Variants in PLA2G2C observed in about 807,000 individuals in gnomAD.
The protein encoded by PLA2G2C is putative inactive group IIC secretory phospholipase A2.
PLA2G2C carries 15 observed loss-of-function variants against 14.3 expected under a neutral mutation model. The observed-to-expected ratio is 1.05, with a 90% CI of 0.70 to 1.62. The LOEUF is 1.62. Ranked by LOEUF, PLA2G2C falls within the 40% of genes most tolerant of loss-of-function variation. The pLI, the probability that PLA2G2C is intolerant of heterozygous loss-of-function variation, is 0.00. For missense variants in PLA2G2C, 162 were observed against 173.2 expected, an observed-to-expected ratio of 0.94 and a Z score of 0.36; for synonymous variants, 79 against 67.7, an observed-to-expected ratio of 1.17 and a Z score of -0.82.
chr1:20,163,908 C>T lies in PLA2G2C; in HGVS notation c.*83G>A. On this transcript the variant is annotated 3_prime_UTR_variant, in exon 5 of 5. Coordinates refer to ENST00000679259, the MANE Select transcript of PLA2G2C (RefSeq NM_001367969.2). ...TCCCTCCCAGTGGAAGAACAGGGGC[C>T]TGTTGGGGATGATCTGAGAAGGCTT... is the stretch of plus-strand genomic sequence containing the variant. 1 of 1,422,394 alleles carries T rather than the reference C, an allele frequency of 7.0e-7. No individual in the cohort carries two copies. Among genetic ancestry groups the T allele is most frequent in the Middle Eastern group, 1.8e-4 (1 of 5,542 alleles). The allele number at this position is 1,422,394 out of a possible 1,614,324, so 88.1% of individuals were successfully genotyped here.
At chr1:20,177,233 C>T (rs1569935875) in intron 2 of PLA2G2C, 91 bp downstream of exon 2, 1 of 698,942 alleles carries the variant, frequency 1.4e-6, no homozygotes. Context: ...TGTGACTTCC[C>T]TCACCTGGTG....
At chr1:20,173,923 G>A (rs1443375829) in intron 3 of PLA2G2C, among the ~76,000 whole-genome samples, 44 of 152,178 alleles carry the variant, frequency 2.9e-4, no homozygotes, top group East Asian at 1.9e-4. Context: ...AAGGAGAGGG[G>A]ACAAACTTTG....
intron 4 of PLA2G2C, among the ~76,000 whole-genome samples, chr1:20,166,582 C>A (rs920389714): frequency 1.3e-5 from 2 of 152,210 alleles, no homozygotes; most frequent in African/African-American, 4.8e-5. Flanking sequence ...CCTGGAAACA[C>A]TTTTCTCACC....
At chr1:20,182,970 G>A (rs530956187) in intron 1 of PLA2G2C, among the ~76,000 whole-genome samples, 3 of 152,178 alleles carry the variant, frequency 2.0e-5, no homozygotes, top group Non-Finnish European at 2.9e-5. Flanking sequence ...CAGTGGAAAC[G>A]CTAGCCTTGG....
chr1:20,182,000 T>C (rs2018285390), intron 1 of PLA2G2C, among the ~76,000 whole-genome samples: 1 of 152,170 alleles, frequency 6.6e-6, no homozygotes, highest in South Asian at 2.1e-4. Flanking sequence ...GTGGAGACAA[T>C]GATTCTGGCC....
chr1:20,170,768 G>A (rs2018060152), intron 4 of PLA2G2C, among the ~76,000 whole-genome samples: 1 of 143,574 alleles, frequency 7.0e-6, no homozygotes, highest in Non-Finnish European at 1.5e-5. Flanking sequence ...GCAAGGCTCT[G>A]GACTCAGGAG....
intron 1 of PLA2G2C, among the ~76,000 whole-genome samples, chr1:20,181,837 G>A (rs1209587887): frequency 3.9e-5 from 6 of 152,216 alleles, no homozygotes; most frequent in African/African-American, 1.4e-4. Context: ...ATTATTGACT[G>A]CGAGTTGCCA....
In PLA2G2C at chr1:20,172,855, C is replaced by T; in HGVS notation, c.222G>A (p.Glu74=). The change falls in exon 4 of 5, where the codon GAG becomes GAA. Residue 74 remains glutamate (E), a synonymous_variant. Transcript: ENST00000679259. ...SSPSPYEKLK[E]FSCQPVLNSY... ...TGTTCAACACAGGCTGGCAGCTGAACTCCTTCAGCTTCTCGTAGGGAGAGG... is the reference window on the plus strand; with the variant it reads ...TGTTCAACACAGGCTGGCAGCTGAATTCCTTCAGCTTCTCGTAGGGAGAGG... The T allele has an allele frequency of 1.9e-6, 3 of 1,613,902 alleles. No individual in the cohort carries two copies. Among genetic ancestry groups the T allele is most frequent in the South Asian group, 1.1e-5 (1 of 91,070 alleles).
rs201520500 is a variant in PLA2G2C at position 20,165,824 on chromosome 1, TGC to T, written c.284-1669_284-1668del. On this transcript the variant is annotated intron_variant, in intron 4 of 4. Coordinates refer to ENST00000679259, the MANE Select transcript of PLA2G2C (RefSeq NM_001367969.2). ...GTGTGTTTGTGCGTGTGTGTGTGTG[TGC>T]GCGCGCGCATGTGTGTTTAGGGCTC... is the stretch of plus-strand genomic sequence containing the variant. 1.0e-3 allele frequency among the ~76,000 whole-genome samples: 155 copies of T among 152,112 alleles called. 2 individuals carry two copies. In the East Asian group the frequency reaches 0.026, roughly 26 times the overall value.
At chr1:20,175,522 A>C (rs1284461183) in intron 2 of PLA2G2C, among the ~76,000 whole-genome samples, 1 of 152,206 alleles carries the variant, frequency 6.6e-6, no homozygotes, top group Non-Finnish European at 1.5e-5. Context: ...GTCCCTCCAG[A>C]TGTCATCAGG....
chr1:20,180,950 T>C (rs551825083), intron 1 of PLA2G2C, among the ~76,000 whole-genome samples: 204 of 152,324 alleles, frequency 1.3e-3, no homozygotes, highest in Non-Finnish European at 7.9e-4. Context: ...GAAAATAAGA[T>C]GGATGGAGCC....
chr1:20,164,006 A>G lies in PLA2G2C; in HGVS notation c.435T>C (p.His145=). ...TGTGGTGTCCCTAGCACCAGGGCTT[A>G]TGTCTGCCACACCTGGGCTGGCTGG... The part of the protein sequence containing the change: ...QFSSQPRCGR[H]KPWC The change falls in exon 5 of 5, where the codon CAT becomes CAC. Residue 145 remains histidine (H), a synonymous_variant. Coordinates refer to ENST00000679259, the MANE Select transcript of PLA2G2C (RefSeq NM_001367969.2). 6.2e-7 allele frequency: 1 copy of G among 1,613,056 alleles called. No individual in the cohort carries two copies. Among genetic ancestry groups the G allele is most frequent in the Non-Finnish European group, 8.5e-7 (1 of 1,179,528 alleles).
rs898989892 is a variant in PLA2G2C, at chr1:20,172,721, G to A, written c.283+73C>T. ...GCATTTCATTTTCTAAAAGATCTCT[G>A]GGTCAAAGAGGAGGTGAACGTTAAG... On this transcript the variant is annotated intron_variant, in intron 4 of 4. Coordinates refer to ENST00000679259, the MANE Select transcript of PLA2G2C (RefSeq NM_001367969.2). 3 of 1,271,244 alleles carry A rather than the reference G, an allele frequency of 2.4e-6. No homozygotes were observed. In the African/African-American group the frequency reaches 4.5e-5, roughly 19 times the overall value. The allele number at this position is 1,271,244 out of a possible 1,614,324, so 78.7% of individuals were successfully genotyped here.
chr1:20,172,628 C>T (rs542186977), intron 4 of PLA2G2C, among the ~76,000 whole-genome samples, 166 bp downstream of exon 4: 5 of 152,156 alleles, frequency 3.3e-5, no homozygotes, highest in East Asian at 3.9e-4. Flanking sequence ...AGGATGAGCA[C>T]GGACACTCTG....
chr1:20,166,522 C>T (rs1348794353), intron 4 of PLA2G2C, among the ~76,000 whole-genome samples: 2 of 152,206 alleles, frequency 1.3e-5, no homozygotes, highest in Admixed American at 1.3e-4. Context: ...GCTCAGGCCC[C>T]CCAGCCAGCC....
chr1:20,171,695 G>A (rs145408111), intron 4 of PLA2G2C, among the ~76,000 whole-genome samples: 3 of 151,646 alleles, frequency 2.0e-5, no homozygotes, highest in Non-Finnish European at 4.4e-5. Context: ...GAAGGAAAGT[G>A]ATTCATGCAA....
At chr1:20,168,322 G>A (rs1254183634) in intron 4 of PLA2G2C, among the ~76,000 whole-genome samples, 4 of 152,326 alleles carry the variant, frequency 2.6e-5, no homozygotes, top group East Asian at 3.9e-4. Flanking sequence ...ACATGTGTCT[G>A]GTCTTTGGCT....
At chr1:20,183,382 A>ACCTCCT (rs2018306863) in intron 1 of PLA2G2C, among the ~76,000 whole-genome samples, 2 of 152,314 alleles carry the variant, frequency 1.3e-5, no homozygotes, top group African/African-American at 4.8e-5. Flanking sequence ...CCATGGGGGA[A>ACCTCCT]CACGCAGGTG....
At chr1:20,182,542 AGTT>A (rs1225701996) in intron 1 of PLA2G2C, among the ~76,000 whole-genome samples, 1 of 152,226 alleles carries the variant, frequency 6.6e-6, no homozygotes, top group Non-Finnish European at 1.5e-5. Context: ...CTAGCAATGA[AGTT>A]GTCAGCATGT....
Sources: allele counts gnomAD v4.1 joint callset (sites outside exome capture counted in the v4.1 genomes callset), GRCh38; gene constraint gnomAD v4.1.1; transcripts MANE v1.5; gene names NCBI Gene and HGNC (gene_info 2026-07-23, HGNC 2026-07-21).